LRRTM4: variants seen among roughly 807,000 people sequenced by gnomAD.
LRRTM4 encodes the protein leucine-rich repeat transmembrane neuronal protein 4.
A neutral mutation model predicts 47.6 loss-of-function variants in LRRTM4; 25 were observed. That is an observed-to-expected ratio of 0.53 (90% CI 0.38 to 0.73). The LOEUF is 0.73. LRRTM4 is among the 30% of genes least tolerant of loss of function. The pLI is 0.00. For synonymous variants in LRRTM4, 311 were observed against 269.5 expected (o/e 1.15, Z -1.51); for missense variants, 638 against 713.4 (o/e 0.89, Z 1.20).
intron 3 of LRRTM4, among the ~76,000 whole-genome samples, chr2:76,820,526 G>T (rs540968385): frequency 6.6e-6 from 1 of 151,758 alleles, no homozygotes; most frequent in Admixed American, 6.6e-5. Flanking sequence ...TCTGAGAGCT[G>T]TATCGCTAGA....
chr2:76,863,631 T>C (rs567039434), intron 3 of LRRTM4, among the ~76,000 whole-genome samples: 1 of 152,320 alleles, frequency 6.6e-6, no homozygotes, highest in African/African-American at 2.4e-5. Flanking sequence ...ATTTATCTTT[T>C]ATTCTCCCCT....
At chr2:76,864,728 CTTTCTTTTTTAAGACAAGGTCTCTCTGTT>C (rs1338529438) in intron 3 of LRRTM4, among the ~76,000 whole-genome samples, 9 of 150,968 alleles carry the variant, frequency 6.0e-5, no homozygotes, top group Admixed American at 4.0e-4. Flanking sequence ...AATTTTTTCC[CTTTCTTTTTTAAGACAAGGTCTCTCTGTT>C]TTTCTGTTGC....
At chr2:76,903,263 G>A (rs1272850104) in intron 3 of LRRTM4, among the ~76,000 whole-genome samples, 1 of 152,102 alleles carries the variant, frequency 6.6e-6, no homozygotes, top group Non-Finnish European at 1.5e-5. Context: ...TTAGCTGGGT[G>A]TGGTGGAGGA....
In LRRTM4 at chr2:77,083,783, CTTTTTTTTTTTTTTTTTTTTTT is replaced by C. The variant is rs386390525; in HGVS notation, c.1552-334889_1552-334868del. Among the ~76,000 whole-genome samples, 101 of 52,400 alleles carry C rather than the reference CTTTTTTTTTTTTTTTTTTTTTT, an allele frequency of 1.9e-3. 1 individual carries two copies. Among genetic ancestry groups the C allele is most frequent in the African/African-American group, 5.1e-3 (90 of 17,532 alleles). The allele number at this position is 52,400 out of a possible 152,430, so 34.4% of individuals were successfully genotyped here. ...ACTTCTCAATTTTTAACTGGACACA[CTTTTTTTTTTTTTTTTTTTTTT>C]TTTTTTTTTTTTTTTTTCAGACGGA... On this transcript the variant is annotated intron_variant, in intron 3 of 3. Transcript: ENST00000409884.
In LRRTM4 at chr2:77,297,002, T is replaced by C. The variant is rs141773758; in HGVS notation, c.1551+221316A>G. Among the ~76,000 whole-genome samples, 598 of 152,346 alleles carry C rather than the reference T, an allele frequency of 3.9e-3. 4 individuals carry two copies. The highest frequency in any genetic ancestry group is 6.3e-3 in the Admixed American group (96 of 15,296). On this transcript the variant is annotated intron_variant, in intron 3 of 3. Transcript: ENST00000409884. The stretch of plus-strand genomic sequence containing the variant: ...CAGATTCCCTAAAGCTCGACTCTCA[T>C]CATGGCTCCCTGGGGTAATGAATGG...
chr2:76,773,450 C>T (rs1673803048), intron 3 of LRRTM4, among the ~76,000 whole-genome samples: 1 of 152,130 alleles, frequency 6.6e-6, no homozygotes, highest in African/African-American at 2.4e-5. Context: ...CATAACATTT[C>T]AGTGAAAGCT....
intron 3 of LRRTM4, among the ~76,000 whole-genome samples, chr2:76,775,425 C>G (rs10188955): frequency 6.6e-6 from 1 of 152,048 alleles, no homozygotes; most frequent in Non-Finnish European, 1.5e-5. Flanking sequence ...GTGCTGAACT[C>G]ATGAGGCTCT....
intron 3 of LRRTM4, among the ~76,000 whole-genome samples, chr2:77,490,015 C>T (rs554246597): frequency 4.6e-5 from 7 of 152,162 alleles, no homozygotes; most frequent in South Asian, 2.1e-4. Context: ...TTTGGGAGGC[C>T]GAAGTGGGCA....
At chr2:77,156,259 G>C (rs1672556827) in intron 3 of LRRTM4, among the ~76,000 whole-genome samples, 1 of 148,412 alleles carries the variant, frequency 6.7e-6, no homozygotes, top group African/African-American at 2.5e-5. Context: ...CAGAATAAAA[G>C]CTATAAGAAT....
At chr2:77,284,961 G>A (rs1461467255) in intron 3 of LRRTM4, among the ~76,000 whole-genome samples, 1 of 151,986 alleles carries the variant, frequency 6.6e-6, no homozygotes, top group Non-Finnish European at 1.5e-5. Flanking sequence ...ACAGTGAGAG[G>A]TGAACCTTAA....
intron 3 of LRRTM4, among the ~76,000 whole-genome samples, chr2:77,385,027 T>A (rs559364307): frequency 1.6e-4 from 25 of 152,138 alleles, no homozygotes; most frequent in African/African-American, 5.1e-4. Context: ...CATGCCAAGC[T>A]AAAAATGTGC....
intron 3 of LRRTM4, among the ~76,000 whole-genome samples, chr2:76,801,873 A>T (rs918336079): frequency 6.6e-6 from 1 of 152,184 alleles, no homozygotes; most frequent in Non-Finnish European, 1.5e-5. Context: ...GACAAACACC[A>T]TAAGATCATC....
At chr2:76,795,493 A>G (rs1675237666) in intron 3 of LRRTM4, among the ~76,000 whole-genome samples, 1 of 152,156 alleles carries the variant, frequency 6.6e-6, no homozygotes. Flanking sequence ...GGTGTTAATA[A>G]TCTGGTGAGT....
rs141961109 is a variant in LRRTM4 at position 76,896,727 on chromosome 2, G to A, written c.1552-147811C>T. ...GTCAGTCTTATTTTTAAATCTTTTT[G>A]TTTCAAATAAGCCAGAGTTTATTGG... On this transcript the variant is annotated intron_variant, in intron 3 of 3. Transcript: ENST00000409884. 6.0e-5 allele frequency among the ~76,000 whole-genome samples: 9 copies of A among 150,676 alleles called. No homozygotes were observed. In the East Asian group the frequency reaches 1.4e-3, roughly 23 times the overall value.
intron 3 of LRRTM4, among the ~76,000 whole-genome samples, chr2:76,766,970 C>T (rs1673480393): frequency 6.6e-6 from 1 of 152,084 alleles, no homozygotes; most frequent in African/African-American, 2.4e-5. Flanking sequence ...CTAGACAAGC[C>T]CTCCTTCACA....
intron 3 of LRRTM4, among the ~76,000 whole-genome samples, chr2:77,459,194 T>C (rs753314920): frequency 6.6e-6 from 1 of 152,122 alleles, no homozygotes; most frequent in Non-Finnish European, 1.5e-5. Context: ...CCTCAAAAAT[T>C]GGATTTTATC....
At chr2:77,121,881 A>G (rs1671530265) in intron 3 of LRRTM4, among the ~76,000 whole-genome samples, 1 of 151,854 alleles carries the variant, frequency 6.6e-6, no homozygotes, top group Non-Finnish European at 1.5e-5. Context: ...TTCAAGTGTA[A>G]TAACTTATCA....
intron 3 of LRRTM4, among the ~76,000 whole-genome samples, chr2:76,968,340 GTATATATATATATATATATATATA>G (rs61103340): frequency 9.8e-4 from 75 of 76,648 alleles, no homozygotes; most frequent in Middle Eastern, 9.6e-3. Flanking sequence ...GTGTATGTGT[GTATATATATATATATATATATATA>G]TATATATATA....
chr2:76,857,986 A>G (rs533298848), intron 3 of LRRTM4, among the ~76,000 whole-genome samples: 38 of 152,302 alleles, frequency 2.5e-4, no homozygotes, highest in African/African-American at 9.1e-4. Context: ...CACTATTAGC[A>G]CATCCTAAAA....
Sources: allele counts gnomAD v4.1 joint callset (sites outside exome capture counted in the v4.1 genomes callset), GRCh38; gene constraint gnomAD v4.1.1; transcripts MANE v1.5; gene names NCBI Gene and HGNC (gene_info 2026-07-23, HGNC 2026-07-21).